ABI2: variants seen among roughly 807,000 people sequenced by gnomAD.
ABI2 encodes abl interactor 2.
Under a neutral mutation model 59.2 loss-of-function variants are expected in ABI2, and 25 were observed. The ratio of observed to expected loss-of-function variants is 0.42; its 90% confidence interval spans 0.31 to 0.59. ABI2 has a LOEUF of 0.59. Ranked by LOEUF, ABI2 falls within the 20% of genes least tolerant of loss-of-function variation. The pLI is 0.14. For synonymous variants in ABI2, 213 were observed against 235.5 expected (o/e 0.90, Z 0.87); for missense variants, 545 against 681.8 (o/e 0.80, Z 2.23).
chr2:203,408,231 C>T (rs1255330287), intron 9 of ABI2, among the ~76,000 whole-genome samples: 1 of 149,914 alleles, frequency 6.7e-6, no homozygotes, highest in Admixed American at 6.7e-5. Flanking sequence ...GGCATGATCT[C>T]GGCTCACTGC....
At position 203,402,739 on chromosome 2, in the gene ABI2, GT is replaced by G. The variant is rs757811635; in HGVS notation, c.1192+12del. The G allele has an allele frequency of 5.8e-6, 9 of 1,550,152 alleles. No individual in the cohort carries two copies. The highest frequency in any genetic ancestry group is 5.1e-5 in the South Asian group (4 of 79,142). On this transcript the variant is annotated splice_donor_region_variant and intron_variant, in intron 9 of 11. Transcript: ENST00000261018. ...CTTTTTATAGCCAGAATCCAGGTTA[GT>G]TTTTTTGTTTTTTTGCATTCTATAG...
chr2:203,376,470 G>A (rs1477979317), intron 2 of ABI2, among the ~76,000 whole-genome samples: 1 of 152,064 alleles, frequency 6.6e-6, no homozygotes, highest in Admixed American at 6.6e-5. Context: ...TTGACTTTCT[G>A]TATACTTATG....
chr2:203,365,741 T>C (rs2094338967), intron 1 of ABI2, among the ~76,000 whole-genome samples: 1 of 144,366 alleles, frequency 6.9e-6, no homozygotes, highest in South Asian at 2.4e-4. Flanking sequence ...ACTGTTCTCC[T>C]ACCTCAGCCT....
chr2:203,338,969 T>TATATAA (rs2078099245), intron 1 of ABI2, among the ~76,000 whole-genome samples: 1 of 10,568 alleles, frequency 9.5e-5, no homozygotes, highest in Admixed American at 1.4e-3. Context: ...TATAAATATA[T>TATATAA]ATATATATAT....
chr2:203,355,383 G>T, intron 1 of ABI2: 1 of 202,010 alleles, frequency 5.0e-6, no homozygotes, highest in Non-Finnish European at 1.1e-5. Context: ...GTGGTGGTGC[G>T]TGCTTCTAGT....
rs2070037268 is a variant in ABI2 at position 203,328,601 on chromosome 2, G to C, written c.87G>C (p.Val29=). 6.2e-7 allele frequency: 1 copy of C among 1,603,414 alleles called. No homozygotes were observed. The highest frequency in any genetic ancestry group is 1.1e-5 in the South Asian group (1 of 90,362). ...ACAGCTACACAAATCTGGAACGGGT[G>C]GCCGATTACTGCGAGAACAACTACA... is the stretch of plus-strand genomic sequence containing the variant. The part of the protein sequence containing the change: ...LFDSYTNLER[V]ADYCENNYIQ... Residue 29 remains valine (V), a synonymous_variant, in exon 1 of 12, where the codon GTG becomes GTC. Transcript: ENST00000261018.
chr2:203,340,465 C>A (rs1011490968), intron 1 of ABI2, among the ~76,000 whole-genome samples: 1 of 151,970 alleles, frequency 6.6e-6, no homozygotes, highest in Non-Finnish European at 1.5e-5. Flanking sequence ...TCCCCAGGCT[C>A]AAGTGATGCT....
chr2:203,426,250 G>A (rs1393253246), intron 11 of ABI2, among the ~76,000 whole-genome samples: 2 of 152,182 alleles, frequency 1.3e-5, no homozygotes, highest in Non-Finnish European at 2.9e-5. Context: ...ACAATGGATA[G>A]GTGGAGATTT....
intron 1 of ABI2, among the ~76,000 whole-genome samples, chr2:203,338,965 T>TATATATATATATATATAA (rs60510573): frequency 1.1e-4 from 1 of 9,478 alleles, no homozygotes; most frequent in South Asian, 3.9e-3. Context: ...TATATATAAA[T>TATATATATATATATATAA]ATATATATAT....
At chr2:203,378,652 C>T (rs1340837775) in intron 2 of ABI2, among the ~76,000 whole-genome samples, 1 of 152,098 alleles carries the variant, frequency 6.6e-6, no homozygotes, top group African/African-American at 2.4e-5. Flanking sequence ...TTTATAATGT[C>T]ATGATGATTA....
In ABI2 at chr2:203,412,579, T is replaced by C. The variant is rs115179064; in HGVS notation, c.1279+1208T>C. Among the ~76,000 whole-genome samples the C allele has an allele frequency of 8.4e-3, 1,269 of 151,610 alleles. 4 individuals carry two copies. Among genetic ancestry groups the C allele is most frequent in the Non-Finnish European group, 0.014 (941 of 67,904 alleles). ...TACCACACCGTGACTTCATAAGATG[T>C]TTTGTTGAGTTTAAGAGCTATTTTC... On this transcript the variant is annotated intron_variant, in intron 10 of 11. Coordinates refer to ENST00000261018, the MANE Select transcript of ABI2 (RefSeq NM_001375670.1).
intron 7 of ABI2, among the ~76,000 whole-genome samples, chr2:203,396,370 A>T (rs2096985013): frequency 6.7e-6 from 1 of 149,102 alleles, no homozygotes; most frequent in African/African-American, 2.6e-5. Flanking sequence ...TTGTGTTTTA[A>T]AAAAAATTTT....
intron 2 of ABI2, among the ~76,000 whole-genome samples, chr2:203,367,997 C>G (rs901886776): frequency 2.8e-4 from 42 of 151,326 alleles, no homozygotes; most frequent in African/African-American, 9.5e-4. Context: ...GAGTGAAACC[C>G]TGTCTCCAAA....
intron 2 of ABI2, among the ~76,000 whole-genome samples, chr2:203,371,653 T>A (rs1019972384): frequency 1.3e-5 from 2 of 152,160 alleles, no homozygotes; most frequent in Non-Finnish European, 2.9e-5. Flanking sequence ...ATCTTCAAAC[T>A]GATAGTGGAG....
chr2:203,396,132 T>C (rs1277662541), intron 7 of ABI2, among the ~76,000 whole-genome samples: 2 of 152,186 alleles, frequency 1.3e-5, no homozygotes, highest in Non-Finnish European at 2.9e-5. Flanking sequence ...TGGGCAGATA[T>C]AAAAAGTAGT....
intron 1 of ABI2, among the ~76,000 whole-genome samples, chr2:203,355,891 A>G (rs191918403): frequency 4.0e-5 from 6 of 150,870 alleles, no homozygotes; most frequent in East Asian, 1.9e-4. Context: ...AAAATCTTCA[A>G]CTTTCACTAG....
intron 9 of ABI2, among the ~76,000 whole-genome samples, chr2:203,405,751 T>C (rs993536493): frequency 2.8e-4 from 43 of 152,152 alleles, no homozygotes; most frequent in African/African-American, 1.0e-3. Context: ...GGTTGCATGC[T>C]TCTGAGGAAG....
At chr2:203,358,672 G>A (rs2092812704) in intron 1 of ABI2, among the ~76,000 whole-genome samples, 1 of 152,108 alleles carries the variant, frequency 6.6e-6, no homozygotes, top group African/African-American at 2.4e-5. Flanking sequence ...TATATTAATA[G>A]TTCTGACATC....
intron 2 of ABI2, among the ~76,000 whole-genome samples, chr2:203,376,924 A>G (rs188764400): frequency 5.3e-5 from 8 of 152,268 alleles, no homozygotes; most frequent in Admixed American, 4.6e-4. Flanking sequence ...CAATTTTTCA[A>G]ACAAGAAATA....
Sources: gnomAD v4.1 joint callset for allele counts (sites outside exome capture counted in the v4.1 genomes callset) on GRCh38, gnomAD v4.1.1 for gene constraint, MANE v1.5 for transcripts, NCBI Gene and HGNC (gene_info 2026-07-23, HGNC 2026-07-21) for gene names.